Variants in PPM1L observed in about 807,000 individuals in gnomAD.
PPM1L encodes the protein protein phosphatase, Mg2+/Mn2+ dependent 1L.
A neutral mutation model predicts 31.4 loss-of-function variants in PPM1L; 13 were observed. The observed-to-expected ratio is 0.41, with a 90% CI of 0.27 to 0.66. The LOEUF is 0.66. PPM1L is among the 30% of genes least tolerant of loss of function. PPM1L has a pLI of 0.29. For missense variants in PPM1L, 326 were observed against 453.7 expected, an observed-to-expected ratio of 0.72 and a Z score of 2.56; for synonymous variants, 184 against 175.4, an observed-to-expected ratio of 1.05 and a Z score of -0.39.
intron 1 of PPM1L, among the ~76,000 whole-genome samples, chr3:160,783,153 C>G (rs1253957835): frequency 6.6e-6 from 1 of 152,162 alleles, no homozygotes; most frequent in African/African-American, 2.4e-5. Flanking sequence ...TATAGAAAGG[C>G]TTCAGGACCC....
At chr3:161,025,848 A>C (rs1179058771) in intron 2 of PPM1L, among the ~76,000 whole-genome samples, 4 of 152,322 alleles carry the variant, frequency 2.6e-5, no homozygotes, top group African/African-American at 9.6e-5. Context: ...GATTGAGTTT[A>C]TTTTGATTCA....
chr3:160,930,526 A>G (rs1714746954), intron 1 of PPM1L, among the ~76,000 whole-genome samples: 1 of 152,188 alleles, frequency 6.6e-6, no homozygotes, highest in Admixed American at 6.5e-5. Context: ...TACTGCTTGT[A>G]ACCGAATTCC....
intron 1 of PPM1L, among the ~76,000 whole-genome samples, chr3:160,943,932 G>C (rs1158636862): frequency 6.6e-6 from 1 of 152,106 alleles, no homozygotes; most frequent in Non-Finnish European, 1.5e-5. Context: ...GGAATATAAG[G>C]AAATTAATAA....
At chr3:160,992,657 A>G (rs558626490) in intron 2 of PPM1L, among the ~76,000 whole-genome samples, 2 of 152,290 alleles carry the variant, frequency 1.3e-5, no homozygotes, top group African/African-American at 4.8e-5. Flanking sequence ...ATTGCAAACA[A>G]CTTTATCCTT....
intron 2 of PPM1L, among the ~76,000 whole-genome samples, chr3:161,010,011 TTTATAC>T (rs145683452): frequency 2.2e-3 from 342 of 152,308 alleles, no homozygotes; most frequent in African/African-American, 7.9e-3. Flanking sequence ...TCTATTCTAA[TTTATAC>T]TTATACTTTA....
At chr3:160,890,195 G>T (rs531162255) in intron 1 of PPM1L, among the ~76,000 whole-genome samples, 222 of 152,296 alleles carry the variant, frequency 1.5e-3, no homozygotes, top group Middle Eastern at 3.4e-3. Flanking sequence ...AGGAAGACAG[G>T]AGGTCAAATT....
At chr3:161,052,418 C>T (rs1395812599) in intron 2 of PPM1L, among the ~76,000 whole-genome samples, 2 of 152,216 alleles carry the variant, frequency 1.3e-5, no homozygotes, top group Admixed American at 1.3e-4. Context: ...GCTCCATCTT[C>T]GTAGTCCTGG....
rs1218858823 is a variant in PPM1L at position 160,786,149 on chromosome 3, C to G, written c.399+29442C>G. Among the ~76,000 whole-genome samples the G allele has an allele frequency of 9.6e-3, 852 of 88,808 alleles. 10 individuals carry two copies. Among genetic ancestry groups the G allele is most frequent in the African/African-American group, 0.054 (678 of 12,652 alleles). 58.3% of individuals were successfully genotyped at this position (88,808 alleles called of 152,430 possible). A position where few individuals can be genotyped will look rare whatever the true frequency, so the allele number is the denominator to read the frequency against. ...TTTTTCTCTCTCTCTCTCTCTCTCTCTCTCTCTCTGTGTGTGTGTGTGTGT... is the reference window on the plus strand; with the variant it reads ...TTTTTCTCTCTCTCTCTCTCTCTCTGTCTCTCTCTGTGTGTGTGTGTGTGT... On this transcript the variant is annotated intron_variant, in intron 1 of 3. Transcript: ENST00000498165.
chr3:161,047,267 A>G (rs1040045752), intron 2 of PPM1L, among the ~76,000 whole-genome samples: 13 of 152,236 alleles, frequency 8.5e-5, no homozygotes, highest in African/African-American at 3.1e-4. Flanking sequence ...TCAATGTGCA[A>G]AAATCACAAG....
intron 1 of PPM1L, among the ~76,000 whole-genome samples, chr3:160,868,561 G>T (rs1442028194): frequency 1.3e-5 from 2 of 152,114 alleles, no homozygotes; most frequent in Non-Finnish European, 2.9e-5. Context: ...TTCTTTGCAT[G>T]TATTTCAATA....
chr3:160,811,496 A>G (rs916024140), intron 1 of PPM1L, among the ~76,000 whole-genome samples: 1 of 152,248 alleles, frequency 6.6e-6, no homozygotes, highest in Admixed American at 6.5e-5. Context: ...TTCAACAGAA[A>G]ACCTATGTGA....
intron 1 of PPM1L, among the ~76,000 whole-genome samples, chr3:160,900,175 T>TAA (rs1165465319): frequency 6.6e-6 from 1 of 152,162 alleles, no homozygotes; most frequent in African/African-American, 2.4e-5. Flanking sequence ...ATATAACAGA[T>TAA]AAATTGTTGC....
intron 2 of PPM1L, among the ~76,000 whole-genome samples, chr3:160,970,958 T>A (rs1451875284): frequency 6.6e-6 from 1 of 151,836 alleles, no homozygotes; most frequent in Non-Finnish European, 1.5e-5. Context: ...GCCCGGCTAA[T>A]TTTTTGTATT....
At chr3:160,935,796 A>G (rs1260790941) in intron 1 of PPM1L, among the ~76,000 whole-genome samples, 2 of 152,230 alleles carry the variant, frequency 1.3e-5, no homozygotes, top group Non-Finnish European at 2.9e-5. Context: ...ATCTGCTTTA[A>G]AGAATGCATT....
intron 2 of PPM1L, among the ~76,000 whole-genome samples, chr3:161,004,118 T>G (rs1315425231): frequency 7.0e-6 from 1 of 143,776 alleles, no homozygotes; most frequent in African/African-American, 2.6e-5. Flanking sequence ...TTGTCTTTGG[T>G]TCTGTTTATA....
chr3:161,039,711 C>T (rs1412231253), intron 2 of PPM1L, among the ~76,000 whole-genome samples: 4 of 151,980 alleles, frequency 2.6e-5, no homozygotes, highest in Non-Finnish European at 4.4e-5. Context: ...TTAATAGAGA[C>T]GGGTTTCACT....
intron 1 of PPM1L, among the ~76,000 whole-genome samples, chr3:160,929,459 G>T (rs1714711861): frequency 2.0e-5 from 3 of 152,098 alleles, no homozygotes; most frequent in African/African-American, 7.2e-5. Context: ...ATCCTGCAGG[G>T]TCTAAGCTGG....
chr3:160,944,784 T>TATATATTATATATAACATATATAAC (rs1559896765), intron 1 of PPM1L, among the ~76,000 whole-genome samples: 1 of 43,908 alleles, frequency 2.3e-5, no homozygotes, highest in African/African-American at 7.2e-5. Flanking sequence ...TATATTATAT[T>TATATATTATATATAACATATATAAC]ATATATGTTA....
intron 2 of PPM1L, among the ~76,000 whole-genome samples, chr3:161,006,153 C>T (rs778662): frequency 0.22 from 33,509 of 152,008 alleles, 4,006 homozygotes; most frequent in South Asian, 0.3. Flanking sequence ...TATATACATA[C>T]AATGGAACAT....
Sources: allele counts gnomAD v4.1 joint callset (sites outside exome capture counted in the v4.1 genomes callset), GRCh38; gene constraint gnomAD v4.1.1; transcripts MANE v1.5; gene names NCBI Gene and HGNC (gene_info 2026-07-23, HGNC 2026-07-21).